Variants in RARB observed in about 807,000 individuals in gnomAD.
The protein encoded by RARB is retinoic acid receptor beta.
In RARB, 17 loss-of-function variants were observed where a neutral mutation model predicts 51.9. That is an observed-to-expected ratio of 0.33 (90% CI 0.22 to 0.49). The LOEUF is 0.49. Ranked by LOEUF, RARB falls within the 20% of genes least tolerant of loss-of-function variation. The pLI, the probability that RARB is intolerant of heterozygous loss-of-function variation, is 0.99. For missense variants in RARB, 369 were observed against 550.8 expected (o/e 0.67, Z 3.30); for synonymous variants, 215 against 195.4 (o/e 1.10, Z -0.84).
intron 2 of RARB, among the ~76,000 whole-genome samples, chr3:25,043,239 G>A (rs1698148412): frequency 6.6e-6 from 1 of 151,922 alleles, no homozygotes; most frequent in Non-Finnish European, 1.5e-5. Flanking sequence ...TTTTAATGTT[G>A]GATTCACAAG....
At chr3:25,508,143 T>C (rs146549656) in intron 3 of RARB, among the ~76,000 whole-genome samples, 18 of 152,306 alleles carry the variant, frequency 1.2e-4, no homozygotes, top group African/African-American at 4.1e-4. Context: ...GTTTCATAAG[T>C]GTATTTGTAG....
At position 25,112,939 on chromosome 3, in the gene RARB, G is replaced by A. The variant is rs77356680; in HGVS notation, c.-327-19222G>A. On this transcript the variant is annotated intron_variant, in intron 3 of 11. Coordinates refer to the RARB transcript ENST00000383772. ...TTAGCTACAACCTTAAATTTTTTCT[G>A]AATTTTCGGGTATTTTTATTTAGTA... Among the ~76,000 whole-genome samples, 484 of 152,214 alleles carry A rather than the reference G, an allele frequency of 3.2e-3. 5 individuals are homozygous for A. In the East Asian group the frequency reaches 0.036, roughly 11 times the overall value.
At chr3:24,910,609 G>A (rs1694971982) in intron 2 of RARB, among the ~76,000 whole-genome samples, 1 of 152,138 alleles carries the variant, frequency 6.6e-6, no homozygotes, top group Non-Finnish European at 1.5e-5. Context: ...ACTCTTAACA[G>A]TCTAACTTGG....
At chr3:25,329,888 T>A (rs1326390710) in intron 5 of RARB, among the ~76,000 whole-genome samples, 1 of 152,050 alleles carries the variant, frequency 6.6e-6, no homozygotes, top group Non-Finnish European at 1.5e-5. Flanking sequence ...CAGTAGCTGA[T>A]TCAATCAAGT....
Position 25,043,069 on chromosome 3 carries a change from C to T in RARB, c.-379-17056C>T, listed in dbSNP as rs143131135. 7.8e-4 allele frequency among the ~76,000 whole-genome samples: 118 copies of T among 152,250 alleles called. No individual in the cohort carries two copies. The East Asian group carries it at 0.018, about 23-fold the overall frequency. ...TAATGGCGTGAGGCAGGGGAGCGAC[C>T]GTCAGAGGGTGTTGTGTAAAAGGCT... On this transcript the variant is annotated intron_variant, in intron 2 of 11. Coordinates refer to the RARB transcript ENST00000383772.
intron 4 of RARB, among the ~76,000 whole-genome samples, chr3:25,156,106 T>A (rs1700369795): frequency 6.6e-6 from 1 of 152,220 alleles, no homozygotes. Context: ...ACCAGCCACA[T>A]CAGCATCAAT....
intron 3 of RARB, among the ~76,000 whole-genome samples, chr3:25,099,030 C>T (rs1699351239): frequency 1.3e-5 from 2 of 152,280 alleles, no homozygotes; most frequent in South Asian, 4.1e-4. Context: ...GGTCCATTCC[C>T]TGCTGCAACC....
chr3:25,466,587 CT>C (rs1294767255), intron 2 of RARB, among the ~76,000 whole-genome samples: 3 of 152,174 alleles, frequency 2.0e-5, no homozygotes, highest in Non-Finnish European at 2.9e-5. Flanking sequence ...TTGTAGTGTT[CT>C]TTCTGCAGTT....
chr3:25,491,233 A>G (rs1696719077), intron 2 of RARB, among the ~76,000 whole-genome samples: 1 of 152,168 alleles, frequency 6.6e-6, no homozygotes, highest in Non-Finnish European at 1.5e-5. Context: ...CTAGTTTCAA[A>G]GAAGTTCTTT....
chr3:25,386,263 G>T (rs552706543), intron 5 of RARB, among the ~76,000 whole-genome samples: 52 of 152,210 alleles, frequency 3.4e-4, no homozygotes, highest in Admixed American at 9.8e-4. Context: ...AAAGGGAAGG[G>T]TGGGGAAAGG....
chr3:25,208,221 C>T (rs545992507), intron 5 of RARB, among the ~76,000 whole-genome samples: 52 of 152,276 alleles, frequency 3.4e-4, no homozygotes, highest in African/African-American at 1.1e-3. Context: ...TTGGAGGGGA[C>T]ATCCAAACTA....
At chr3:25,087,411 T>C (rs574484789) in intron 3 of RARB, among the ~76,000 whole-genome samples, 1 of 152,232 alleles carries the variant, frequency 6.6e-6, no homozygotes, top group East Asian at 1.9e-4. Flanking sequence ...TGGTTCAGAT[T>C]GTAGGTGGAA....
intron 3 of RARB, among the ~76,000 whole-genome samples, chr3:25,102,884 T>A (rs1462758092): frequency 6.6e-6 from 1 of 152,166 alleles, no homozygotes; most frequent in Non-Finnish European, 1.5e-5. Flanking sequence ...AAACCCCATC[T>A]CTACTAAAAA....
chr3:25,194,396 C>T (rs963022395), intron 5 of RARB, among the ~76,000 whole-genome samples: 1 of 151,350 alleles, frequency 6.6e-6, no homozygotes, highest in African/African-American at 2.4e-5. Context: ...TATGCACATA[C>T]ACAAAAAGGT....
chr3:25,171,327 G>T (rs2125351562), intron 4 of RARB, among the ~76,000 whole-genome samples: 1 of 151,610 alleles, frequency 6.6e-6, no homozygotes, highest in South Asian at 2.1e-4. Flanking sequence ...TGAAACAAAG[G>T]AAATTCTCTG....
intron 4 of RARB, among the ~76,000 whole-genome samples, chr3:25,147,518 C>G (rs527674408): frequency 6.6e-6 from 1 of 152,266 alleles, no homozygotes; most frequent in African/African-American, 2.4e-5. Context: ...AGTGTTATAT[C>G]TCATTTTCAA....
At chr3:25,463,232 C>T (rs1029603400) in intron 2 of RARB, among the ~76,000 whole-genome samples, 1 of 151,904 alleles carries the variant, frequency 6.6e-6, no homozygotes, top group African/African-American at 2.4e-5. Context: ...TATGGAGGGG[C>T]CGGGGGAATG....
intron 1 of RARB, among the ~76,000 whole-genome samples, chr3:25,429,371 G>A (rs1708111232): frequency 6.6e-6 from 1 of 152,082 alleles, no homozygotes; most frequent in Non-Finnish European, 1.5e-5. Flanking sequence ...CATTTTCCTT[G>A]AAAGGAATTT....
chr3:25,594,440 CAGT>C (rs1200498568), intron 6 of RARB, 77 bp from the exon 7 acceptor site: 1 of 1,383,964 alleles, frequency 7.2e-7, no homozygotes, highest in Non-Finnish European at 9.7e-7. Flanking sequence ...GAACTCATAA[CAGT>C]AGGAATAAGG....
Sources: allele counts gnomAD v4.1 joint callset (sites outside exome capture counted in the v4.1 genomes callset), GRCh38; gene constraint gnomAD v4.1.1; transcripts MANE v1.5; gene names NCBI Gene and HGNC (gene_info 2026-07-23, HGNC 2026-07-21).